Variants in ATRNL1 observed in about 807,000 individuals in gnomAD.
ATRNL1 encodes attractin like 1.
Under a neutral mutation model 182.7 loss-of-function variants are expected in ATRNL1, and 95 were observed. The observed-to-expected ratio is 0.52, with a 90% CI of 0.44 to 0.62. The LOEUF (loss-of-function observed/expected upper bound fraction) is 0.62, where lower values mean the gene tolerates loss of function less well. Among genes scored for constraint, ATRNL1 ranks in the 20% least tolerant of loss-of-function variants. ATRNL1 has a pLI of 0.00. For synonymous variants in ATRNL1, 576 were observed against 568.3 expected (o/e 1.01, Z -0.19); for missense variants, 1,471 against 1,679.5 (o/e 0.88, Z 2.17).
At chr10:115,281,657 T>C (rs1554916894) in intron 14 of ATRNL1, among the ~76,000 whole-genome samples, 170 bp downstream of exon 14, 2 of 152,266 alleles carry the variant, frequency 1.3e-5, no homozygotes, top group Non-Finnish European at 2.9e-5. Context: ...AGTTTTTTGA[T>C]TACATATTTG....
At chr10:115,369,289 G>T (rs868963238) in intron 19 of ATRNL1, among the ~76,000 whole-genome samples, 1 of 149,806 alleles carries the variant, frequency 6.7e-6, no homozygotes, top group Non-Finnish European at 1.5e-5. Context: ...TCTTTGAAGG[G>T]GATTGGGGTT....
At chr10:115,118,021 A>C (rs551533605) in intron 1 of ATRNL1, among the ~76,000 whole-genome samples, 20 of 152,070 alleles carry the variant, frequency 1.3e-4, no homozygotes, top group African/African-American at 4.8e-4. Context: ...TGTCTGTTCA[A>C]ACCTTTAGCC....
intron 27 of ATRNL1, among the ~76,000 whole-genome samples, chr10:115,833,221 G>A (rs1555094324): frequency 2.0e-5 from 3 of 152,108 alleles, no homozygotes; most frequent in African/African-American, 7.2e-5. Flanking sequence ...GAGTTTACTC[G>A]TTGCAAAAAC....
At chr10:115,271,212 A>C (rs546397940) in intron 13 of ATRNL1, among the ~76,000 whole-genome samples, 2 of 151,770 alleles carry the variant, frequency 1.3e-5, no homozygotes, top group South Asian at 4.2e-4. Context: ...ATGTATTCTT[A>C]GCAAAATGAG....
At chr10:115,446,140 G>A (rs1846974414) in intron 21 of ATRNL1, among the ~76,000 whole-genome samples, 1 of 151,606 alleles carries the variant, frequency 6.6e-6, no homozygotes, top group African/African-American at 2.4e-5. Flanking sequence ...TTTAATATAT[G>A]TGCTACCCTT....
At chr10:115,225,392 A>G (rs1554898430) in intron 9 of ATRNL1, among the ~76,000 whole-genome samples, 1 of 151,080 alleles carries the variant, frequency 6.6e-6, no homozygotes, top group Non-Finnish European at 1.5e-5. Flanking sequence ...TCCCTCTAAG[A>G]TTGGGAATGG....
intron 26 of ATRNL1, among the ~76,000 whole-genome samples, chr10:115,601,764 T>A (rs1467155178): frequency 1.3e-5 from 2 of 152,162 alleles, no homozygotes; most frequent in African/African-American, 4.8e-5. Context: ...TTAAAAGTAG[T>A]TTCTTATAGA....
intron 28 of ATRNL1, among the ~76,000 whole-genome samples, chr10:115,879,557 G>T (rs1951780198): frequency 6.6e-6 from 1 of 152,158 alleles, no homozygotes. Flanking sequence ...GGTAAAGGGA[G>T]TTGTGAGAAA....
intron 26 of ATRNL1, among the ~76,000 whole-genome samples, chr10:115,724,594 C>T (rs1947536909): frequency 1.3e-5 from 2 of 152,048 alleles, no homozygotes; most frequent in East Asian, 3.9e-4. Flanking sequence ...TGAAAGGTCT[C>T]AGTAATTAGA....
At chr10:115,752,109 G>T (rs1030069650) in intron 27 of ATRNL1, among the ~76,000 whole-genome samples, 5 of 151,952 alleles carry the variant, frequency 3.3e-5, no homozygotes, top group South Asian at 4.1e-4. Flanking sequence ...ATGAATGACT[G>T]AATCTTATGA....
At chr10:115,323,005 A>G (rs555807448) in intron 18 of ATRNL1, among the ~76,000 whole-genome samples, 88 of 151,792 alleles carry the variant, frequency 5.8e-4, no homozygotes, top group African/African-American at 2.0e-3. Context: ...GGTTTCTTGG[A>G]TGTGTAAGTT....
intron 9 of ATRNL1, among the ~76,000 whole-genome samples, chr10:115,220,049 A>G (rs371590041): frequency 6.6e-6 from 1 of 152,206 alleles, no homozygotes; most frequent in East Asian, 1.9e-4. Context: ...AAGGTGACTT[A>G]TTAATTCTCT....
At chr10:115,865,036 A>G (rs535804118) in intron 28 of ATRNL1, among the ~76,000 whole-genome samples, 12 of 152,206 alleles carry the variant, frequency 7.9e-5, no homozygotes, top group African/African-American at 2.9e-4. Flanking sequence ...ACAGTTTACA[A>G]AACAAAACCA....
chr10:115,281,749 A>C (rs1852371237), intron 14 of ATRNL1, among the ~76,000 whole-genome samples: 1 of 151,784 alleles, frequency 6.6e-6, no homozygotes, highest in African/African-American at 2.4e-5. Flanking sequence ...AAATCTTAAA[A>C]ATGTAGAAAA....
intron 8 of ATRNL1, among the ~76,000 whole-genome samples, chr10:115,193,648 T>G (rs1848248816): frequency 6.6e-6 from 1 of 151,874 alleles, no homozygotes; most frequent in South Asian, 2.1e-4. Context: ...TTTTCATCTT[T>G]TCAAAAATAA....
At chr10:115,884,891 A>G (rs1555109399) in intron 28 of ATRNL1, among the ~76,000 whole-genome samples, 2 of 152,206 alleles carry the variant, frequency 1.3e-5, no homozygotes, top group Admixed American at 1.3e-4. Context: ...CTTTTTATCC[A>G]TGCACAAAGG....
chr10:115,624,840 G>A (rs190124322), intron 26 of ATRNL1, among the ~76,000 whole-genome samples: 3 of 152,176 alleles, frequency 2.0e-5, no homozygotes, highest in Non-Finnish European at 4.4e-5. Context: ...ACTTCTACTC[G>A]TCTTTACAGG....
At chr10:115,856,184 T>C (rs1046514321) in intron 28 of ATRNL1, among the ~76,000 whole-genome samples, 6 of 151,848 alleles carry the variant, frequency 4.0e-5, no homozygotes, top group African/African-American at 1.5e-4. Flanking sequence ...ATCCCAGCAC[T>C]TTGGGAGGCC....
At chr10:115,738,133 T>TG (rs1948019355) in intron 27 of ATRNL1, among the ~76,000 whole-genome samples, 4 of 80,334 alleles carry the variant, frequency 5.0e-5, no homozygotes, top group Admixed American at 1.4e-4. Flanking sequence ...ATGATTTTTT[T>TG]TTTTTTTTTT....
Sources: gnomAD v4.1 joint callset for allele counts (sites outside exome capture counted in the v4.1 genomes callset) on GRCh38, gnomAD v4.1.1 for gene constraint, MANE v1.5 for transcripts, NCBI Gene and HGNC (gene_info 2026-07-23, HGNC 2026-07-21) for gene names.